Variants in CCDC60 observed in about 807,000 individuals in gnomAD.
The protein encoded by CCDC60 is coiled-coil domain-containing protein 60.
Under a neutral mutation model 63.5 loss-of-function variants are expected in CCDC60, and 54 were observed. The observed-to-expected ratio is 0.85, with a 90% CI of 0.68 to 1.07. The LOEUF is 1.07. CCDC60 is among the 50% of genes least tolerant of loss of function. The pLI is 0.00. For synonymous variants in CCDC60, 206 were observed against 238.8 expected (o/e 0.86, Z 1.27); for missense variants, 651 against 684.3 (o/e 0.95, Z 0.54).
chr12:119,520,041 C>A (rs2136488011), intron 8 of CCDC60, 80 bp from the exon 9 acceptor site: 3 of 1,179,988 alleles, frequency 2.5e-6, no homozygotes, highest in South Asian at 1.3e-5. Flanking sequence ...AAAGAGAATT[C>A]CCCCTCCTCC....
chr12:119,419,185 T>A (rs889989354), intron 1 of CCDC60, among the ~76,000 whole-genome samples: 7 of 152,244 alleles, frequency 4.6e-5, no homozygotes, highest in Non-Finnish European at 5.9e-5. Context: ...CCTCCTCCTT[T>A]TCTCTTTCAT....
intron 3 of CCDC60, among the ~76,000 whole-genome samples, chr12:119,474,711 T>C (rs1951139343): frequency 6.6e-6 from 1 of 152,168 alleles, no homozygotes; most frequent in Non-Finnish European, 1.5e-5. Flanking sequence ...TTCACCTTAA[T>C]AAATTTTTCT....
At chr12:119,489,679 G>A (rs1295164349) in intron 5 of CCDC60, among the ~76,000 whole-genome samples, 1 of 152,138 alleles carries the variant, frequency 6.6e-6, no homozygotes, top group Non-Finnish European at 1.5e-5. Context: ...TGAAGAATCA[G>A]TTTTTCACTG....
intron 13 of CCDC60, among the ~76,000 whole-genome samples, chr12:119,537,718 T>C (rs1461557446): frequency 6.6e-6 from 1 of 152,126 alleles, no homozygotes; most frequent in East Asian, 1.9e-4. Context: ...CTCCAGACCC[T>C]GTTTGCCTGG....
intron 1 of CCDC60, among the ~76,000 whole-genome samples, chr12:119,423,625 T>A (rs1372306191): frequency 2.0e-5 from 3 of 152,256 alleles, no homozygotes. Flanking sequence ...TTATGCCAAG[T>A]GGCCCTATTC....
intron 1 of CCDC60, among the ~76,000 whole-genome samples, chr12:119,362,344 T>C (rs1863968281): frequency 6.6e-6 from 1 of 152,170 alleles, no homozygotes; most frequent in Admixed American, 6.5e-5. Context: ...CCTTAATAAA[T>C]ATATAAAACA....
intron 1 of CCDC60, among the ~76,000 whole-genome samples, chr12:119,418,645 C>T (rs1447711002): frequency 2.6e-5 from 4 of 151,912 alleles, no homozygotes; most frequent in African/African-American, 9.7e-5. Context: ...CAACTCCTGA[C>T]CTCAGGTGAT....
At chr12:119,512,717 A>C (rs1952247030) in intron 7 of CCDC60, among the ~76,000 whole-genome samples, 1 of 152,264 alleles carries the variant, frequency 6.6e-6, no homozygotes, top group African/African-American at 2.4e-5. Flanking sequence ...GAAAATAAAA[A>C]TCAAAAATTA....
chr12:119,406,999 G>A (rs1322971462), intron 1 of CCDC60, among the ~76,000 whole-genome samples: 1 of 152,158 alleles, frequency 6.6e-6, no homozygotes, highest in Non-Finnish European at 1.5e-5. Context: ...GACAGCTAAG[G>A]ACAAATATCT....
chr12:119,415,127 G>T (rs1259301574), intron 1 of CCDC60, among the ~76,000 whole-genome samples: 1 of 152,178 alleles, frequency 6.6e-6, no homozygotes, highest in Admixed American at 6.5e-5. Flanking sequence ...ATTAAAGGGA[G>T]ATTCCATTCA....
intron 1 of CCDC60, among the ~76,000 whole-genome samples, chr12:119,377,901 G>A (rs886378537): frequency 9.9e-5 from 15 of 152,166 alleles, no homozygotes; most frequent in African/African-American, 3.6e-4. Flanking sequence ...CAGGGAAATC[G>A]AGGACGCAGA....
intron 1 of CCDC60, among the ~76,000 whole-genome samples, chr12:119,423,778 C>G (rs543923686): frequency 6.6e-6 from 1 of 152,304 alleles, no homozygotes; most frequent in South Asian, 2.1e-4. Flanking sequence ...AACCACTCCC[C>G]TGTATTAAAT....
At chr12:119,434,332 T>C (rs1467182541) in intron 2 of CCDC60, among the ~76,000 whole-genome samples, 2 of 152,142 alleles carry the variant, frequency 1.3e-5, no homozygotes, top group African/African-American at 4.8e-5. Flanking sequence ...TTTAGCCCTC[T>C]GTACTCATTC....
intron 1 of CCDC60, among the ~76,000 whole-genome samples, chr12:119,365,544 C>G (rs556557542): frequency 5.9e-5 from 9 of 152,152 alleles, no homozygotes; most frequent in African/African-American, 2.2e-4. Context: ...GTTTTGCGGT[C>G]AGAGGCAAGG....
intron 1 of CCDC60, among the ~76,000 whole-genome samples, chr12:119,337,607 C>T (rs1457723948): frequency 6.6e-6 from 1 of 152,186 alleles, no homozygotes; most frequent in Non-Finnish European, 1.5e-5. Context: ...ATTTATTGCA[C>T]TGCTGTTAGG....
intron 1 of CCDC60, among the ~76,000 whole-genome samples, chr12:119,359,030 T>C (rs1242540083): frequency 2.0e-5 from 3 of 152,216 alleles, no homozygotes; most frequent in Non-Finnish European, 2.9e-5. Context: ...CAGTTATCCA[T>C]AGGGGTGGTT....
At chr12:119,503,174 CAAAT>C (rs994572893) in intron 6 of CCDC60, among the ~76,000 whole-genome samples, 3 of 152,064 alleles carry the variant, frequency 2.0e-5, no homozygotes, top group African/African-American at 7.2e-5. Context: ...CAGACCCTGT[CAAAT>C]AAAAATAAAA....
rs925466504 is a variant in CCDC60 at position 119,438,373 on chromosome 12, C to T, written c.170+9611C>T. On this transcript the variant is annotated intron_variant, in intron 2 of 13. Transcript: ENST00000327554. The stretch of plus-strand genomic sequence containing the variant: ...TTGTTACACAGGGCTTTGCACAAAA[C>T]TTTGTTTTCCAAAATTCTTTTCCAG... Among the ~76,000 whole-genome samples, 12 of 152,296 alleles carry T rather than the reference C, an allele frequency of 7.9e-5. 1 individual carries two copies. The highest frequency in any genetic ancestry group is 5.9e-4 in the Admixed American group (9 of 15,308).
At chr12:119,486,233 A>G (rs1378013691) in intron 4 of CCDC60, among the ~76,000 whole-genome samples, 1 of 152,210 alleles carries the variant, frequency 6.6e-6, no homozygotes, top group Non-Finnish European at 1.5e-5. Flanking sequence ...ATGGGAGAAG[A>G]AAGAGACAAT....
Sources: gnomAD v4.1 joint callset for allele counts (sites outside exome capture counted in the v4.1 genomes callset) on GRCh38, gnomAD v4.1.1 for gene constraint, MANE v1.5 for transcripts, NCBI Gene and HGNC (gene_info 2026-07-23, HGNC 2026-07-21) for gene names.